The following IL9R variants were observed in gnomAD, a reference collection of about 807,000 sequenced individuals.
IL9R encodes the protein interleukin-9 receptor.
IL9R carries 54 observed loss-of-function variants against 56.3 expected under a neutral mutation model. That is an observed-to-expected ratio of 0.96 (90% CI 0.77 to 1.20). IL9R has a LOEUF of 1.20. Among genes scored for constraint, IL9R ranks in the 50% most tolerant of loss-of-function variants. The pLI is 0.00. For missense variants in IL9R, 545 were observed against 629.8 expected (o/e 0.87, Z 1.44); for synonymous variants, 212 against 250.2 (o/e 0.85, Z 1.44).
At chrX:156,009,241 G>C (rs1452563842) in intron 8 of IL9R, among the ~76,000 whole-genome samples, 1 of 26,702 alleles carries the variant, frequency 3.7e-5, no homozygotes, top group Non-Finnish European at 7.5e-5. Flanking sequence ...GTGTTCGTGT[G>C]GTGTGTGTGT....
chrX:156,006,871 G>A (rs1485794918), intron 7 of IL9R, among the ~76,000 whole-genome samples: 16 of 150,532 alleles, frequency 1.1e-4, no homozygotes, highest in Admixed American at 1.1e-3. Flanking sequence ...TGGGGGACCT[G>A]CTGGAGGCCA....
At chrX:156,005,097 TGTGA>T (rs1275831604) in intron 5 of IL9R, among the ~76,000 whole-genome samples, 177 bp from the exon 6 acceptor site, 3 of 152,078 alleles carry the variant, frequency 2.0e-5, no homozygotes, top group African/African-American at 2.4e-5. Flanking sequence ...CAGCTGTGTC[TGTGA>T]GTGTGAGTGT....
At chrX:156,009,262 GTGTT>G (rs2068293179) in intron 8 of IL9R, among the ~76,000 whole-genome samples, 1,207 of 46,116 alleles carry the variant, frequency 0.026, 3 homozygotes, top group East Asian at 0.07. Flanking sequence ...CTGTGTGTGT[GTGTT>G]TGTGTGTGTA....
chrX:155,998,189 C>A (rs2067266225), intron 1 of IL9R, among the ~76,000 whole-genome samples: 1 of 151,912 alleles, frequency 6.6e-6, no homozygotes, highest in African/African-American at 2.4e-5. Flanking sequence ...GAGCTGAGGT[C>A]TAGGCCCAGG....
chrX:156,009,260 G>GTGTATGTC (rs2068291529), intron 8 of IL9R, among the ~76,000 whole-genome samples: 1 of 86,692 alleles, frequency 1.2e-5, no homozygotes, highest in Non-Finnish European at 2.3e-5. Context: ...GTCTGTGTGT[G>GTGTATGTC]TGTGTTTGTG....
At chrX:156,009,791 T>C in intron 8 of IL9R, 25 bp from the exon 9 acceptor site, 5 of 1,153,318 alleles carry the variant, frequency 4.3e-6, no homozygotes, top group Non-Finnish European at 4.6e-6. Context: ...CCTGAGCCCT[T>C]CCCTCCTCCC....
chrX:156,000,141 A>ATATATATATATAT (rs1556393968), intron 1 of IL9R, among the ~76,000 whole-genome samples: 1 of 134,240 alleles, frequency 7.4e-6, no homozygotes, highest in African/African-American at 3.4e-5. Context: ...GTCTAAAAAA[A>ATATATATATATAT]AAAAATATAT....
At chrX:156,001,007 G>T (rs1187801985) in intron 1 of IL9R, among the ~76,000 whole-genome samples, 2 of 152,132 alleles carry the variant, frequency 1.3e-5, no homozygotes, top group Non-Finnish European at 2.9e-5. Context: ...AGTTTTCAGT[G>T]CAGAGGAAAA....
intron 5 of IL9R, among the ~76,000 whole-genome samples, 183 bp downstream of exon 5, chrX:156,004,748 GA>G (rs1287492826): frequency 6.6e-6 from 1 of 152,180 alleles, no homozygotes; most frequent in Non-Finnish European, 1.5e-5. Flanking sequence ...GTGTGTATGG[GA>G]GTAGGGTGAG....
At chrX:156,006,677 T>A (rs1051180930) in intron 7 of IL9R, among the ~76,000 whole-genome samples, 1 of 151,966 alleles carries the variant, frequency 6.6e-6, no homozygotes, top group Non-Finnish European at 1.5e-5. Context: ...CATGTCAGGT[T>A]ACAAGACAGG....
Position 156,003,431 on chromosome X carries a change from G to C in IL9R, c.143-18G>C. On this transcript the variant is annotated intron_variant, in intron 2 of 8. Coordinates refer to ENST00000244174, the MANE Select transcript of IL9R (RefSeq NM_002186.3). The stretch of plus-strand genomic sequence containing the variant: ...CCTGAAGTACTTACCGTGGGCTCCT[G>C]ATGGTCACTGTCTCCAGGGCCAAGG... 6.3e-7 allele frequency: 1 copy of C among 1,579,476 alleles called. No homozygotes were observed. Among genetic ancestry groups the C allele is most frequent in the East Asian group, 2.2e-5 (1 of 44,662 alleles).
downstream of IL9R, among the ~76,000 whole-genome samples, chrX:156,011,612 A>T (rs1415479061): frequency 9.7e-6 from 1 of 103,454 alleles, no homozygotes; most frequent in Non-Finnish European, 1.7e-5. Context: ...CATACGTTGC[A>T]TGATCAGAAA....
chrX:156,005,492 G>A lies in IL9R; in HGVS notation c.781+13G>A, dbSNP rs372299194. 3 of 1,609,348 alleles carry A rather than the reference G, an allele frequency of 1.9e-6. No individual in the cohort carries two copies. Among genetic ancestry groups the A allele is most frequent in the Non-Finnish European group, 2.5e-6 (3 of 1,176,824 alleles). Reference sequence around the variant, plus strand: ...CCCCAGAGACAAGGTGGGCACTGCTGTGGCTGCTGCACTTCCAGCGGAGTC... The same window carrying A: ...CCCCAGAGACAAGGTGGGCACTGCTATGGCTGCTGCACTTCCAGCGGAGTC... On this transcript the variant is annotated intron_variant, in intron 6 of 8. Transcript: ENST00000244174.
intron 8 of IL9R, among the ~76,000 whole-genome samples, chrX:156,008,945 GTC>G: frequency 6.6e-6 from 1 of 151,716 alleles, no homozygotes; most frequent in African/African-American, 2.4e-5. Context: ...GTGTGTGTAT[GTC>G]TGTGTGTGTG....
rs1291784658 is a variant in IL9R at position 156,010,060 on chromosome X, C to T, written c.1217C>T (p.Ala406Val). Residue 406 changes from alanine (A) to valine (V), a missense_variant, in exon 9 of 9, where the codon GCC (alanine) becomes GTC (valine). Around this residue, in one of 2 missense-constraint regions of IL9R, gnomAD observed 114 missense variants for 269.8 expected, o/e 0.42. Coordinates refer to ENST00000244174, the MANE Select transcript of IL9R (RefSeq NM_002186.3). ...ACGGAGTGGAGGGTACAGACGCTTG[C>T]CTATCTGCCACAGGAGGACTGGGCC... The part of the protein sequence containing the change: ...GCTEWRVQTL[A>V]YLPQEDWAPT... 1.3e-6 allele frequency: 2 copies of T among 1,555,180 alleles called. No homozygotes were observed.
In IL9R at chrX:156,005,301, T is replaced by C. The variant is rs1383906398; in HGVS notation, c.603T>C (p.Ile201=). Residue 201 remains isoleucine (I), a synonymous_variant, in exon 6 of 9, where the codon ATT becomes ATC. Coordinates refer to ENST00000244174, the MANE Select transcript of IL9R (RefSeq NM_002186.3). The stretch of plus-strand genomic sequence containing the variant: ...AGCAGGCCCAGCACAGGGATCACAT[T>C]GTCGGGGTGACCTGGCTTATACTTG... ...AWEQAQHRDH[I]VGVTWLILEA... 6.2e-7 allele frequency: 1 copy of C among 1,612,038 alleles called. No homozygotes were observed.
intron 1 of IL9R, among the ~76,000 whole-genome samples, chrX:156,000,134 T>TAAAAAAA (rs566708471): frequency 3.5e-5 from 5 of 141,298 alleles, no homozygotes; most frequent in Admixed American, 3.5e-4. Context: ...AGACTCCGTC[T>TAAAAAAA]AAAAAAAAAA....
Position 156,004,128 on chromosome X carries a change from C to T in IL9R, c.433+273C>T, listed in dbSNP as rs2067742792. The T allele has an allele frequency of 4.2e-5, 25 of 600,112 alleles. No individual in the cohort carries two copies. In the South Asian group the frequency reaches 5.0e-4, roughly 12 times the overall value. 37.2% of individuals were successfully genotyped at this position (600,112 alleles called of 1,614,324 possible). A position where few individuals can be genotyped will look rare whatever the true frequency, so the allele number is the denominator to read the frequency against. ...TGAGTCATGTGAAATGCACTTCAGT[C>T]ATACCAGGAAGGACTCCAATAAGAT... On this transcript the variant is annotated intron_variant, in intron 4 of 8. Transcript: ENST00000244174.
In IL9R at chrX:156,004,534, T is replaced by C. The variant is rs1569473277; in HGVS notation, c.548T>C (p.Leu183Pro). The change falls in exon 5 of 9, where the codon CTG becomes CCG. Residue 183 changes from leucine to proline, a missense_variant. By Grantham distance (98) the Leu-to-Pro change is moderately conservative (BLOSUM62 -3). Around this residue, in one of 2 missense-constraint regions of IL9R, gnomAD observed 431 missense variants for 360.0 expected, o/e 1.20. Transcript: ENST00000244174. The part of the protein sequence containing the change: ...EPMTTLLSYE[L>P]AFKKQEEAWE... Reference sequence around the variant, plus strand: ...ATGACCACACTTCTCAGCTATGAGCTGGCCTTCAAGAAGCAGGAAGAGGCC... The same window carrying C: ...ATGACCACACTTCTCAGCTATGAGCCGGCCTTCAAGAAGCAGGAAGAGGCC... The C allele has an allele frequency of 6.2e-7, 1 of 1,613,190 alleles. No homozygotes were observed.
Sources: gnomAD v4.1 joint callset for allele counts (sites outside exome capture counted in the v4.1 genomes callset) on GRCh38, gnomAD v4.1.1 for gene constraint, gnomAD v4.1.1 regional missense constraint, MANE v1.5 for transcripts, NCBI Gene and HGNC (gene_info 2026-07-23, HGNC 2026-07-21) for gene names.